The following ADGRA1 variants were observed in gnomAD, a reference collection of about 807,000 sequenced individuals.
The protein encoded by ADGRA1 is G-protein coupled receptor 123.
Under a neutral mutation model 21.3 loss-of-function variants are expected in ADGRA1, and 12 were observed. The ratio of observed to expected loss-of-function variants is 0.56; its 90% CI spans 0.36 to 0.91. ADGRA1 has a LOEUF of 0.91. ADGRA1 is among the 40% of genes least tolerant of loss of function. The pLI is 0.01. For missense variants in ADGRA1, 790 were observed against 805.6 expected, an observed-to-expected ratio of 0.98 and a Z score of 0.23; for synonymous variants, 385 against 368.8, an observed-to-expected ratio of 1.04 and a Z score of -0.50.
rs1256442646 is a variant in ADGRA1, at chr10:133,130,266, ATGGGGGGCT to A, written c.*757_*765del. On this transcript the variant is annotated 3_prime_UTR_variant, in exon 7 of 7. Transcript: ENST00000392607. ...GATGGCTGTCAGCCTCAGAGGGCCA[ATGGGGGGCT>A]TTCACGGGCCCAAGGCTTGGGAAAA... The A allele has an allele frequency of 1.3e-5, 2 of 152,206 alleles. No individual in the cohort carries two copies. The highest frequency in any genetic ancestry group is 4.8e-5 in the African/African-American group (2 of 41,444). The allele number at this position is 152,206 out of a possible 1,614,324, so 9.4% of individuals were successfully genotyped here.
chr10:133,102,563 T>C lies in ADGRA1; in HGVS notation c.256-134T>C, dbSNP rs943728801. The C allele has an allele frequency of 1.7e-5, 18 of 1,072,936 alleles. No individual in the cohort carries two copies. In the Admixed American group the frequency reaches 3.8e-4, roughly 23 times the overall value. The allele number at this position is 1,072,936 out of a possible 1,614,324, so 66.5% of individuals were successfully genotyped here. A position where few individuals can be genotyped will look rare whatever the true frequency, so the allele number is the denominator to read the frequency against. ...TTCTGGGCGGCTGTGGGGCGGCCGC[T>C]GCCTGCCCTGGGATACAGACGCTGC... On this transcript the variant is annotated intron_variant, in intron 4 of 6. Transcript: ENST00000392607.
chr10:133,115,038 G>A (rs143503825), intron 5 of ADGRA1, among the ~76,000 whole-genome samples: 4 of 152,174 alleles, frequency 2.6e-5, no homozygotes, highest in Non-Finnish European at 4.4e-5. Flanking sequence ...GTGGGGCAGC[G>A]CCACTGTCCT....
rs372278484 is a variant in ADGRA1 at position 133,129,254 on chromosome 10, G to A, written c.1426G>A (p.Asp476Asn). The change falls in exon 7 of 7, where the codon GAC becomes AAC. Residue 476 changes from aspartate to asparagine, a missense_variant. By Grantham distance (23) the Asp-to-Asn change is conservative (BLOSUM62 1). Transcript: ENST00000392607. ...THTLACCTQG[D>N]PFPMVTQPEG... Reference sequence around the variant, plus strand: ...CACGCTGGCCTGCTGCACCCAGGGCGACCCCTTCCCCATGGTCACCCAGCC... The same window carrying A: ...CACGCTGGCCTGCTGCACCCAGGGCAACCCCTTCCCCATGGTCACCCAGCC... 9 of 1,549,556 alleles carry A rather than the reference G, an allele frequency of 5.8e-6. No homozygotes were observed. The highest frequency in any genetic ancestry group is 2.4e-5 in the East Asian group (1 of 40,934).
At chr10:133,115,322 GC>G (rs974036865) in intron 5 of ADGRA1, among the ~76,000 whole-genome samples, 19 of 152,212 alleles carry the variant, frequency 1.2e-4, no homozygotes, top group African/African-American at 4.6e-4. Context: ...CACAGGCTCT[GC>G]CCAGCGGTCA....
chr10:133,089,831 G>A (rs937524073), intron 2 of ADGRA1, among the ~76,000 whole-genome samples: 6 of 152,188 alleles, frequency 3.9e-5, no homozygotes, highest in Non-Finnish European at 5.9e-5. Context: ...TCACCTCTGA[G>A]GCTGGCTGAG....
intron 4 of ADGRA1, 87 bp from the exon 5 acceptor site, chr10:133,102,609 TC>T: frequency 6.9e-7 from 1 of 1,459,276 alleles, no homozygotes; most frequent in Non-Finnish European, 9.2e-7. Context: ...CCGTTCTCAT[TC>T]TTGAAGTTGC....
intron 5 of ADGRA1, among the ~76,000 whole-genome samples, chr10:133,123,461 C>T (rs1852313907): frequency 6.6e-6 from 1 of 152,194 alleles, no homozygotes; most frequent in Admixed American, 6.5e-5. Flanking sequence ...CCTCATGCCA[C>T]ATCCACACCA....
chr10:133,104,948 G>C (rs1470982063), intron 5 of ADGRA1, among the ~76,000 whole-genome samples: 1 of 152,088 alleles, frequency 6.6e-6, no homozygotes, highest in Non-Finnish European at 1.5e-5. Flanking sequence ...CCCACACCCC[G>C]AAGGTGCTCA....
At chr10:133,119,898 C>A (rs1852224586) in intron 5 of ADGRA1, among the ~76,000 whole-genome samples, 1 of 152,302 alleles carries the variant, frequency 6.6e-6, no homozygotes, top group East Asian at 1.9e-4. Flanking sequence ...GGAGCACAGG[C>A]AGAGTAGATT....
chr10:133,097,844 C>T (rs957868743), intron 3 of ADGRA1, among the ~76,000 whole-genome samples: 7 of 152,130 alleles, frequency 4.6e-5, no homozygotes, highest in East Asian at 3.9e-4. Context: ...CAGACGGCAC[C>T]CACTGCCTGT....
intron 2 of ADGRA1, among the ~76,000 whole-genome samples, chr10:133,090,147 C>CA (rs1445612154): frequency 6.6e-6 from 1 of 152,250 alleles, no homozygotes; most frequent in Non-Finnish European, 1.5e-5. Flanking sequence ...GCCCGGGGGT[C>CA]CCTCTCATCC....
At chr10:133,110,867 G>A (rs927976196) in intron 5 of ADGRA1, among the ~76,000 whole-genome samples, 5 of 152,046 alleles carry the variant, frequency 3.3e-5, no homozygotes, top group Non-Finnish European at 5.9e-5. Flanking sequence ...TCCCTTTGCC[G>A]CAGAGTGATG....
chr10:133,102,546 G>T, intron 4 of ADGRA1, 151 bp from the exon 5 acceptor site: 6 of 843,978 alleles, frequency 7.1e-6, no homozygotes, highest in Non-Finnish European at 1.1e-5. Flanking sequence ...AGTTCTGGGC[G>T]GCTGTGGGGC....
chr10:133,109,757 AAG>A (rs1851953650), intron 5 of ADGRA1, among the ~76,000 whole-genome samples: 1 of 152,202 alleles, frequency 6.6e-6, no homozygotes, highest in African/African-American at 2.4e-5. Context: ...TGAAACCAGA[AAG>A]AGACAAACGG....
intron 5 of ADGRA1, among the ~76,000 whole-genome samples, chr10:133,112,770 G>GCGGGCCGCGTCCGT (rs1852077521): frequency 2.1e-5 from 3 of 139,834 alleles, no homozygotes; most frequent in African/African-American, 7.9e-5. Context: ...TTTGGGGTCT[G>GCGGGCCGCGTCCGT]TAAGCTATGT....
At chr10:133,095,878 GCCT>G (rs1851679926) in intron 2 of ADGRA1, 1 of 1,422,684 alleles carries the variant, frequency 7.0e-7, no homozygotes, top group Non-Finnish European at 9.4e-7. Flanking sequence ...CCGGCCGGCT[GCCT>G]CCTCCTGCCC....
rs757956937 is a variant in ADGRA1 at position 133,088,969 on chromosome 10, C to T, written c.3+57C>T. Reference sequence around the variant, plus strand: ...TGGGGGCTAGGCCGCTGCGGGGGGGCGGCCACCCGTATGGGGACTCCCAGG... The same window carrying T: ...TGGGGGCTAGGCCGCTGCGGGGGGGTGGCCACCCGTATGGGGACTCCCAGG... On this transcript the variant is annotated intron_variant, in intron 2 of 6. Transcript: ENST00000392607. 22 of 1,235,434 alleles carry T rather than the reference C, an allele frequency of 1.8e-5. No individual in the cohort carries two copies. The South Asian group carries it at 2.9e-4, about 16-fold the overall frequency. 76.5% of individuals were successfully genotyped at this position (1,235,434 alleles called of 1,614,324 possible).
At chr10:133,112,408 ATTTGGGGTCT>A (rs1564850103) in intron 5 of ADGRA1, among the ~76,000 whole-genome samples, 4 of 143,606 alleles carry the variant, frequency 2.8e-5, no homozygotes, top group Admixed American at 1.4e-4. Flanking sequence ...CGCGTCCGTT[ATTTGGGGTCT>A]GCGGGCCATG....
At chr10:133,112,632 T>C (rs1852068465) in intron 5 of ADGRA1, among the ~76,000 whole-genome samples, 1 of 142,838 alleles carries the variant, frequency 7.0e-6, no homozygotes, top group African/African-American at 2.7e-5. Context: ...TTATTTGGGG[T>C]CTACGGGCCG....
Sources: allele counts gnomAD v4.1 joint callset (sites outside exome capture counted in the v4.1 genomes callset), GRCh38; gene constraint gnomAD v4.1.1; transcripts MANE v1.5; gene names NCBI Gene and HGNC (gene_info 2026-07-23, HGNC 2026-07-21).